CTTNBP2: variants seen among roughly 807,000 people sequenced by gnomAD.
The protein encoded by CTTNBP2 is cortactin-binding protein 2.
In CTTNBP2, 108 loss-of-function variants were observed where a neutral mutation model predicts 156.9. The observed-to-expected ratio is 0.69, with a 90% CI of 0.59 to 0.81. The LOEUF (loss-of-function observed/expected upper bound fraction) is 0.81, where lower values mean the gene tolerates loss of function less well. Among genes scored for constraint, CTTNBP2 ranks in the 30% least tolerant of loss-of-function variants. The probability of loss-of-function intolerance (pLI) is 0.00; values close to 1 mark genes in which losing one functional copy is unlikely to be tolerated. For missense variants in CTTNBP2, 1,924 were observed against 2,035.4 expected, an observed-to-expected ratio of 0.95 and a Z score of 1.05; for synonymous variants, 767 against 751.8, an observed-to-expected ratio of 1.02 and a Z score of -0.33.
intron 7 of CTTNBP2, among the ~76,000 whole-genome samples, chr7:117,779,306 T>C (rs535319516): frequency 3.9e-5 from 6 of 152,190 alleles, no homozygotes; most frequent in African/African-American, 1.4e-4. Context: ...GGAAAAAAAA[T>C]TTTCTATTTT....
At position 117,711,507 on chromosome 7, in the gene CTTNBP2, A is replaced by AAGTT. The variant is rs1794051881; in HGVS notation, c.*26_*29dup. 2 of 1,586,690 alleles carry AAGTT rather than the reference A, an allele frequency of 1.3e-6. No homozygotes were observed. The highest frequency in any genetic ancestry group is 1.4e-5 in the African/African-American group (1 of 73,330). On this transcript the variant is annotated 3_prime_UTR_variant, in exon 23 of 23. Coordinates refer to ENST00000160373, the MANE Select transcript of CTTNBP2 (RefSeq NM_033427.3). ...CCTTGGTTTCTGTGTGAAATAGAGG[A>AAGTT]AGTTAATAATGAGAATATTGTAGGC...
intron 2 of CTTNBP2, among the ~76,000 whole-genome samples, chr7:117,814,822 C>G (rs993153530): frequency 1.3e-5 from 2 of 152,180 alleles, no homozygotes; most frequent in African/African-American, 4.8e-5. Flanking sequence ...AGGGTAAAAA[C>G]AGTGGCTTTG....
intron 2 of CTTNBP2, among the ~76,000 whole-genome samples, chr7:117,832,696 C>A (rs1448212641): frequency 6.7e-6 from 1 of 149,258 alleles, no homozygotes; most frequent in South Asian, 2.1e-4. Context: ...TTAGAGACAG[C>A]AAATGACTAC....
At chr7:117,841,924 G>T (rs574181101) in intron 2 of CTTNBP2, among the ~76,000 whole-genome samples, 14 of 152,274 alleles carry the variant, frequency 9.2e-5, no homozygotes, top group African/African-American at 3.4e-4. Context: ...AAACAGCAGG[G>T]ATGTTACTAG....
chr7:117,818,441 T>C (rs1211450331), intron 2 of CTTNBP2, among the ~76,000 whole-genome samples: 3 of 152,178 alleles, frequency 2.0e-5, no homozygotes, highest in African/African-American at 7.2e-5. Flanking sequence ...GAGTCAACTC[T>C]GACAAGATGG....
chr7:117,791,953 T>A lies in CTTNBP2; in HGVS notation c.1243A>T (p.Ile415Leu). The change falls in exon 4 of 23, where the codon ATA (isoleucine) becomes TTA (leucine). Residue 415 changes from isoleucine (I) to leucine (L), a missense_variant. Physicochemically the swap from Ile to Leu is conservative, Grantham distance 5. Transcript: ENST00000160373. Reference sequence around the variant, plus strand: ...GGAGCTTGCGAGTTCTGAGGAGCTATGCCTGGTGTTTGAGCGGTGGGAGGG... The same window carrying A: ...GGAGCTTGCGAGTTCTGAGGAGCTAAGCCTGGTGTTTGAGCGGTGGGAGGG... ...AAPPTAQTPG[I>L]APQNSQAPPM... The A allele has an allele frequency of 6.2e-7, 1 of 1,614,126 alleles. No individual in the cohort carries two copies.
rs370360934 is a variant in CTTNBP2 at position 117,746,112 on chromosome 7, C to G, written c.3349-13G>C. ...GATATTGCTCAACCTATTAACAAAC[C>G]AAGTAGAGAGCTAGGGTGAAGATGC... is the stretch of plus-strand genomic sequence containing the variant. On this transcript the variant is annotated splice_polypyrimidine_tract_variant and intron_variant, in intron 12 of 22. Transcript: ENST00000160373. The G allele has an allele frequency of 6.3e-7, 1 of 1,595,406 alleles. No individual in the cohort carries two copies. Among genetic ancestry groups the G allele is most frequent in the Non-Finnish European group, 8.6e-7 (1 of 1,163,214 alleles).
chr7:117,772,170 C>A (rs552159749), intron 8 of CTTNBP2, among the ~76,000 whole-genome samples: 2 of 152,226 alleles, frequency 1.3e-5, no homozygotes, highest in Middle Eastern at 3.4e-3. Flanking sequence ...TAGAAAGGCC[C>A]CTCACATGGC....
intron 2 of CTTNBP2, among the ~76,000 whole-genome samples, chr7:117,858,287 G>C (rs529031451): frequency 6.6e-6 from 1 of 152,138 alleles, no homozygotes; most frequent in African/African-American, 2.4e-5. Flanking sequence ...GAAGAATGGC[G>C]TGAACCCGGG....
chr7:117,781,170 C>T (rs1275838459), intron 6 of CTTNBP2, among the ~76,000 whole-genome samples: 1 of 152,174 alleles, frequency 6.6e-6, no homozygotes, highest in African/African-American at 2.4e-5. Context: ...AGCAGAAACT[C>T]ACTGTCCTGA....
At chr7:117,806,320 A>G (rs1340423649) in intron 3 of CTTNBP2, among the ~76,000 whole-genome samples, 1 of 152,216 alleles carries the variant, frequency 6.6e-6, no homozygotes, top group African/African-American at 2.4e-5. Context: ...CAGCGCTGTA[A>G]AGGCAATTAG....
At chr7:117,866,550 C>G (rs1403487862) in intron 1 of CTTNBP2, among the ~76,000 whole-genome samples, 2 of 152,148 alleles carry the variant, frequency 1.3e-5, no homozygotes, top group Non-Finnish European at 2.9e-5. Flanking sequence ...CATCAGTAAG[C>G]TTTACACAGG....
At chr7:117,858,154 A>G (rs536052055) in intron 2 of CTTNBP2, among the ~76,000 whole-genome samples, 1 of 152,370 alleles carries the variant, frequency 6.6e-6, no homozygotes, top group Non-Finnish European at 1.5e-5. Flanking sequence ...GCAGATCACG[A>G]GGTCAGGAGA....
chr7:117,841,047 A>T (rs1802239062), intron 2 of CTTNBP2, among the ~76,000 whole-genome samples: 1 of 152,238 alleles, frequency 6.6e-6, no homozygotes, highest in Non-Finnish European at 1.5e-5. Context: ...TTAATTTTAA[A>T]ATAATTATAA....
intron 2 of CTTNBP2, among the ~76,000 whole-genome samples, chr7:117,834,716 C>T (rs945455929): frequency 3.9e-5 from 6 of 152,120 alleles, no homozygotes; most frequent in Admixed American, 6.5e-5. Context: ...CTTTTTAGTG[C>T]GAGTCATAAA....
Position 117,735,424 on chromosome 7 carries a change from A to G in CTTNBP2, c.3536-3T>C. 1 of 1,586,532 alleles carries G rather than the reference A, an allele frequency of 6.3e-7. No individual in the cohort carries two copies. Among genetic ancestry groups the G allele is most frequent in the Admixed American group, 2.0e-5 (1 of 50,792 alleles). On this transcript the variant is annotated splice_polypyrimidine_tract_variant and splice_region_variant and intron_variant, in intron 14 of 22. Coordinates refer to ENST00000160373, the MANE Select transcript of CTTNBP2 (RefSeq NM_033427.3). ...TTGTTTCACTGGGATCAGACAAGCT[A>G]TAATAAAAAAGGAAATTCAGTGATT...
chr7:117,823,269 T>C (rs1563043797), intron 2 of CTTNBP2, among the ~76,000 whole-genome samples: 2 of 152,240 alleles, frequency 1.3e-5, no homozygotes, highest in African/African-American at 2.4e-5. Context: ...TTAGATTTCA[T>C]CTGCTTCGAA....
chr7:117,792,074 T>C lies in CTTNBP2; in HGVS notation c.1122A>G (p.Pro374=), dbSNP rs1799061044. The change falls in exon 4 of 23, where the codon CCA becomes CCG. Residue 374 remains proline (P), a synonymous_variant. Transcript: ENST00000160373. The surrounding 1 kb of genome is among the most constrained non-coding windows in gnomAD (Gnocchi z 4.2). ...DLIGASVPAF[P]PPSANKIEEN... ...CCTCAATTTTGTTTGCACTTGGAGG[T>C]GGGAAAGCGGGTACAGAAGCGCCAA... The C allele has an allele frequency of 3.7e-6, 6 of 1,613,938 alleles. No homozygotes were observed. Among genetic ancestry groups the C allele is most frequent in the Non-Finnish European group, 5.1e-6 (6 of 1,179,984 alleles).
At chr7:117,802,861 T>C (rs1799715158) in intron 3 of CTTNBP2, among the ~76,000 whole-genome samples, 1 of 152,122 alleles carries the variant, frequency 6.6e-6, no homozygotes, top group Non-Finnish European at 1.5e-5. Context: ...AGAATGGCTA[T>C]TAATAAAAAG....
Sources: gnomAD v4.1 joint callset for allele counts (sites outside exome capture counted in the v4.1 genomes callset) on GRCh38, gnomAD v4.1.1 for gene constraint, Gnocchi (gnomAD v3.1) non-coding constraint, MANE v1.5 for transcripts, NCBI Gene and HGNC (gene_info 2026-07-23, HGNC 2026-07-21) for gene names.